The following SCHIP1 variants were observed in gnomAD, a reference collection of about 807,000 sequenced individuals.
The protein encoded by SCHIP1 is schwannomin-interacting protein 1.
SCHIP1 carries 8 observed loss-of-function variants against 29.7 expected under a neutral mutation model. That is an observed-to-expected ratio of 0.27 (90% CI 0.16 to 0.49). The LOEUF (loss-of-function observed/expected upper bound fraction) is 0.49, where lower values mean the gene tolerates loss of function less well. Among genes scored for constraint, SCHIP1 ranks in the 20% least tolerant of loss-of-function variants. The probability of loss-of-function intolerance (pLI) is 0.99; values close to 1 mark genes in which losing one functional copy is unlikely to be tolerated. For synonymous variants in SCHIP1, 76 were observed against 94.9 expected (o/e 0.80, Z 1.16); for missense variants, 193 against 294.6 (o/e 0.66, Z 2.52).
chr3:159,375,652 G>C, the SCHIP1 span: 1 of 206,950 alleles, frequency 4.8e-6, no homozygotes, highest in Non-Finnish European at 8.4e-6. Flanking sequence ...CAGGAGAATC[G>C]CTTGAACCCG....
chr3:159,387,343 G>A, the SCHIP1 span: 1 of 379,368 alleles, frequency 2.6e-6, no homozygotes, highest in Middle Eastern at 9.0e-4. Flanking sequence ...TTTATGGGCA[G>A]GGAGAAGAGA....
At chr3:159,558,968 T>C in the SCHIP1 span, among the ~76,000 whole-genome samples, 3 of 152,098 alleles carry the variant, frequency 2.0e-5, no homozygotes, top group African/African-American at 4.8e-5. Context: ...CTGGGCAACA[T>C]ATGAGACCCT....
the SCHIP1 span, among the ~76,000 whole-genome samples, chr3:159,391,577 G>C: frequency 1.3e-5 from 2 of 152,258 alleles, no homozygotes; most frequent in South Asian, 2.1e-4. Context: ...TTTCAGTCTA[G>C]TTCTTAAGTC....
chr3:159,399,187 C>T, the SCHIP1 span, among the ~76,000 whole-genome samples: 1 of 152,154 alleles, frequency 6.6e-6, no homozygotes, highest in Non-Finnish European at 1.5e-5. Context: ...TCCTTCAAGG[C>T]TTTGCTCATT....
chr3:159,766,007 C>T, the SCHIP1 span, among the ~76,000 whole-genome samples: 1 of 152,110 alleles, frequency 6.6e-6, no homozygotes, highest in East Asian at 1.9e-4. Flanking sequence ...TTTTTTGCCC[C>T]TGAGAGAAGA....
At chr3:159,855,550 T>C (rs1713251167) in intron 1 of SCHIP1, among the ~76,000 whole-genome samples, 1 of 152,188 alleles carries the variant, frequency 6.6e-6, no homozygotes, top group Non-Finnish European at 1.5e-5. Flanking sequence ...ATATATTTTA[T>C]TCAGAAATAG....
the SCHIP1 span, among the ~76,000 whole-genome samples, chr3:159,707,224 A>G: frequency 6.6e-6 from 1 of 152,180 alleles, no homozygotes; most frequent in Non-Finnish European, 1.5e-5. Flanking sequence ...CCTAGGAGAA[A>G]AGGGAAGAGC....
At chr3:159,307,394 A>G in the SCHIP1 span, among the ~76,000 whole-genome samples, 1 of 152,214 alleles carries the variant, frequency 6.6e-6, no homozygotes, top group Non-Finnish European at 1.5e-5. Context: ...ATGAGCAACT[A>G]TGGACAGTGC....
chr3:159,678,511 A>G, the SCHIP1 span, among the ~76,000 whole-genome samples: 7 of 152,370 alleles, frequency 4.6e-5, no homozygotes, highest in Non-Finnish European at 7.3e-5. Context: ...TAACATTGAT[A>G]AAATATACTT....
chr3:159,316,602 C>G, the SCHIP1 span, among the ~76,000 whole-genome samples: 1 of 152,176 alleles, frequency 6.6e-6, no homozygotes, highest in Non-Finnish European at 1.5e-5. Context: ...CCCTTGTCAA[C>G]TTGAACCTGT....
At chr3:159,685,168 C>G in the SCHIP1 span, among the ~76,000 whole-genome samples, 24 of 152,184 alleles carry the variant, frequency 1.6e-4, no homozygotes, top group Admixed American at 7.9e-4. Context: ...TCCCTGCCCC[C>G]CAAGGAACTT....
chr3:159,719,460 G>A, the SCHIP1 span, among the ~76,000 whole-genome samples: 1 of 152,106 alleles, frequency 6.6e-6, no homozygotes, highest in Non-Finnish European at 1.5e-5. Flanking sequence ...TACAGAATGG[G>A]AGAAAATTTT....
chr3:159,673,075 T>C, the SCHIP1 span, among the ~76,000 whole-genome samples: 1 of 152,226 alleles, frequency 6.6e-6, no homozygotes, highest in Non-Finnish European at 1.5e-5. Flanking sequence ...ATTGGCCTTT[T>C]AGAGGTTTCT....
chr3:159,873,199 A>C (rs1031787082), intron 2 of SCHIP1, among the ~76,000 whole-genome samples: 1 of 152,212 alleles, frequency 6.6e-6, no homozygotes, highest in Non-Finnish European at 1.5e-5. Flanking sequence ...CCCAATTTTA[A>C]ATGAGGCTGG....
the SCHIP1 span, among the ~76,000 whole-genome samples, chr3:159,519,295 A>G: frequency 3.6e-3 from 555 of 152,328 alleles, 9 homozygotes; most frequent in African/African-American, 0.013. Context: ...TGGTCAGAAG[A>G]ATCCAACTAC....
At chr3:159,596,232 A>G in the SCHIP1 span, among the ~76,000 whole-genome samples, 1 of 152,248 alleles carries the variant, frequency 6.6e-6, no homozygotes, top group African/African-American at 2.4e-5. Flanking sequence ...AGAAATGCAT[A>G]TCAAAACCAC....
At chr3:159,372,359 G>C in the SCHIP1 span, among the ~76,000 whole-genome samples, 1 of 152,024 alleles carries the variant, frequency 6.6e-6, no homozygotes, top group Non-Finnish European at 1.5e-5. Flanking sequence ...TGGCACTGGC[G>C]TTAATAAAGA....
the SCHIP1 span, chr3:159,765,181 A>T: frequency 1.3e-6 from 2 of 1,515,028 alleles, no homozygotes; most frequent in Non-Finnish European, 1.8e-6. Flanking sequence ...ACACACGCGT[A>T]CACACCCCGC....
chr3:159,392,910 C>T, the SCHIP1 span, among the ~76,000 whole-genome samples: 3 of 152,206 alleles, frequency 2.0e-5, no homozygotes, highest in Admixed American at 6.5e-5. Context: ...AATGGATGAA[C>T]TAGTTTACAG....
Sources: allele counts gnomAD v4.1 joint callset (sites outside exome capture counted in the v4.1 genomes callset), GRCh38; gene constraint gnomAD v4.1.1; transcripts MANE v1.5; gene names NCBI Gene and HGNC (gene_info 2026-07-23, HGNC 2026-07-21).